Variants in MBTD1 observed in about 807,000 individuals in gnomAD.
MBTD1 encodes the protein MBT domain-containing protein 1.
In MBTD1, 24 loss-of-function variants were observed where a neutral mutation model predicts 87.8. The ratio of observed to expected loss-of-function variants is 0.27; its 90% CI spans 0.20 to 0.38. MBTD1 has a LOEUF of 0.38. Among genes scored for constraint, MBTD1 ranks in the 10% least tolerant of loss-of-function variants. The pLI is 1.00. For missense variants in MBTD1, 436 were observed against 760.2 expected, an observed-to-expected ratio of 0.57 and a Z score of 5.02; for synonymous variants, 237 against 248.6, an observed-to-expected ratio of 0.95 and a Z score of 0.44.
Position 51,225,087 on chromosome 17 carries a change from G to C in MBTD1, c.75C>G (p.Val25=). Residue 25 remains valine (V), a synonymous_variant, in exon 3 of 17, where the codon GTC becomes GTG. Coordinates refer to ENST00000586178, the MANE Select transcript of MBTD1 (RefSeq NM_017643.3). ...TCGGGAGATTAGAAGGTAAAGGAGC[G>C]ACTTCTTCCTCACTCTCTTCGGAGC... ...SSSSEESEEE[V]APLPSNLPII... is the part of the protein sequence containing the mutation. The C allele has an allele frequency of 1.3e-6, 2 of 1,551,470 alleles. No individual in the cohort carries two copies. The highest frequency in any genetic ancestry group is 1.7e-6 in the Non-Finnish European group (2 of 1,146,800).
intron 7 of MBTD1, among the ~76,000 whole-genome samples, chr17:51,204,431 ATATT>A (rs2051686856): frequency 6.7e-6 from 1 of 148,894 alleles, no homozygotes; most frequent in Non-Finnish European, 1.5e-5. Context: ...TATAACATAC[ATATT>A]TATGTATAAG....
intron 2 of MBTD1, among the ~76,000 whole-genome samples, chr17:51,227,238 T>C (rs1192370708): frequency 2.0e-5 from 1 of 50,560 alleles, no homozygotes; most frequent in Non-Finnish European, 3.6e-5. Context: ...CGAGACTCTG[T>C]CTCCAAAAAA....
intron 2 of MBTD1, among the ~76,000 whole-genome samples, chr17:51,246,548 G>A (rs2054445980): frequency 6.6e-6 from 1 of 152,174 alleles, no homozygotes; most frequent in African/African-American, 2.4e-5. Context: ...ATTGTTTGAA[G>A]GTAGTTTTGT....
rs1446930991 is a variant in MBTD1, at chr17:51,179,483, TTTA to T, written c.*1090_*1092del. The T allele has an allele frequency of 7.0e-3, 259 of 37,036 alleles. 13 individuals carry two copies. Among genetic ancestry groups the T allele is most frequent in the African/African-American group, 0.021 (130 of 6,116 alleles). 2.3% of individuals were successfully genotyped at this position (37,036 alleles called of 1,614,324 possible). On this transcript the variant is annotated 3_prime_UTR_variant, in exon 17 of 17. Transcript: ENST00000586178. ...AATCCTGAATACAATTAAAGACAAT[TTTA>T]TATATATATATATATATATATATAT...
chr17:51,245,344 G>T (rs1035875258), intron 2 of MBTD1, among the ~76,000 whole-genome samples: 2 of 152,084 alleles, frequency 1.3e-5, no homozygotes, highest in Non-Finnish European at 2.9e-5. Context: ...ATGGAAAATT[G>T]TGATTTTGCA....
At position 51,202,745 on chromosome 17, in the gene MBTD1, T is replaced by G. The variant is rs372758508; in HGVS notation, c.1019A>C (p.His340Pro). 3.1e-6 allele frequency: 5 copies of G among 1,614,130 alleles called. No individual in the cohort carries two copies. The highest frequency in any genetic ancestry group is 1.7e-5 in the Admixed American group (1 of 60,026). ...WCHMHSPLIH[H>P]IGWSRSIGHR... ...ACCTATGCTTCGAGACCAACCAATA[T>G]GATGTATTAATGGGCTGTGCATATG... Residue 340 changes from histidine to proline, a missense_variant, in exon 10 of 17, where the codon CAT becomes CCT. His to Pro is a moderately conservative substitution (Grantham distance 77). Around this residue, in one of 5 missense-constraint regions of MBTD1, gnomAD observed 268 missense variants for 401.8 expected, o/e 0.67. Transcript: ENST00000586178.
Position 51,179,486 on chromosome 17 carries a change from A to ATATATATATATATATATATATATATATT in MBTD1, c.*1089_*1090insAATATATATATATATATATATATATATA, listed in dbSNP as rs2050205883. On this transcript the variant is annotated 3_prime_UTR_variant, in exon 17 of 17. Transcript: ENST00000586178. ...CCTGAATACAATTAAAGACAATTTT[A>ATATATATATATATATATATATATATATT]TATATATATATATATATATATATAT... 1 of 15,016 alleles carries ATATATATATATATATATATATATATATT rather than the reference A, an allele frequency of 6.7e-5. No individual in the cohort carries two copies. Among genetic ancestry groups the ATATATATATATATATATATATATATATT allele is most frequent in the Non-Finnish European group, 1.4e-4 (1 of 7,318 alleles). 0.9% of individuals were successfully genotyped at this position (15,016 alleles called of 1,614,324 possible). A position where few individuals can be genotyped will look rare whatever the true frequency, so the allele number is the denominator to read the frequency against.
rs115882299 is a variant in MBTD1 at position 51,238,821 on chromosome 17, C to T, written c.-48-13612G>A. ...TGTGATAAAAGTCAATGAAGTGGGC[C>T]GGGTGTGGTGGCTCATGCCTGTAAT... On this transcript the variant is annotated intron_variant, in intron 2 of 16. Transcript: ENST00000586178. Among the ~76,000 whole-genome samples the T allele has an allele frequency of 3.5e-3, 526 of 152,154 alleles. 4 individuals are homozygous for T. The highest frequency in any genetic ancestry group is 0.012 in the African/African-American group (503 of 41,518).
intron 16 of MBTD1, among the ~76,000 whole-genome samples, chr17:51,189,445 C>T (rs57610238): frequency 2.5e-3 from 388 of 152,262 alleles, no homozygotes; most frequent in African/African-American, 8.9e-3. Context: ...GAATCCAGAA[C>T]TCTAGTAATG....
chr17:51,241,055 T>C (rs1020753134), intron 2 of MBTD1, among the ~76,000 whole-genome samples: 1 of 152,126 alleles, frequency 6.6e-6, no homozygotes, highest in Non-Finnish European at 1.5e-5. Flanking sequence ...TTCGGCTCAC[T>C]GCAACCTCCA....
At chr17:51,208,313 A>G (rs999762101) in intron 6 of MBTD1, among the ~76,000 whole-genome samples, 1 of 152,232 alleles carries the variant, frequency 6.6e-6, no homozygotes, top group Admixed American at 6.5e-5. Context: ...GAAATGGACA[A>G]GCTCAACTAT....
chr17:51,260,137 A>T (rs370798631), upstream of MBTD1: 1 of 361,994 alleles, frequency 2.8e-6, no homozygotes, highest in Non-Finnish European at 4.9e-6. Context: ...TCTCGCTTCC[A>T]CCGTGGGACC....
chr17:51,191,125 AAGAG>A (rs960713117), intron 16 of MBTD1, among the ~76,000 whole-genome samples: 14 of 152,206 alleles, frequency 9.2e-5, no homozygotes, highest in African/African-American at 2.7e-4. Context: ...AAGTTTTATG[AAGAG>A]AGAAAGCTAT....
intron 2 of MBTD1, among the ~76,000 whole-genome samples, chr17:51,244,412 T>A (rs2054316761): frequency 6.6e-6 from 1 of 152,112 alleles, no homozygotes; most frequent in Non-Finnish European, 1.5e-5. Flanking sequence ...CCTGAACTGG[T>A]TCTTGTGTCC....
upstream of MBTD1, chr17:51,260,402 ACGGGG>A: frequency 1.5e-6 from 1 of 653,020 alleles, no homozygotes; most frequent in East Asian, 3.2e-5. Context: ...GAACTCCCAC[ACGGGG>A]CGGGGCTGGG....
chr17:51,259,287 G>A (rs536480855), intron 1 of MBTD1, 81 bp from the exon 2 acceptor site: 835 of 1,229,944 alleles, frequency 6.8e-4, no homozygotes, highest in Non-Finnish European at 7.7e-4. Flanking sequence ...TTTTAAATAT[G>A]CAGCCTTGGA....
chr17:51,181,862 C>T (rs1208257362), intron 16 of MBTD1, among the ~76,000 whole-genome samples: 3 of 152,074 alleles, frequency 2.0e-5, no homozygotes, highest in South Asian at 2.1e-4. Context: ...GTATGGAAAA[C>T]GGTTTTTCAG....
chr17:51,231,761 T>C (rs2053561999), intron 2 of MBTD1, among the ~76,000 whole-genome samples: 1 of 152,070 alleles, frequency 6.6e-6, no homozygotes, highest in African/African-American at 2.4e-5. Context: ...TAAGGAACAC[T>C]AGTTCATAAG....
At chr17:51,205,859 G>C (rs974536929) in intron 7 of MBTD1, among the ~76,000 whole-genome samples, 1 of 152,270 alleles carries the variant, frequency 6.6e-6, no homozygotes, top group East Asian at 1.9e-4. Context: ...GTACACAACA[G>C]AGCAGTCTAC....
Sources: gnomAD v4.1 joint callset for allele counts (sites outside exome capture counted in the v4.1 genomes callset) on GRCh38, gnomAD v4.1.1 for gene constraint, gnomAD v4.1.1 regional missense constraint, MANE v1.5 for transcripts, NCBI Gene and HGNC (gene_info 2026-07-23, HGNC 2026-07-21) for gene names.